The following NMNAT1 variants were observed in gnomAD, a reference collection of about 807,000 sequenced individuals.
NMNAT1 encodes nicotinamide/nicotinic acid mononucleotide adenylyltransferase 1.
A neutral mutation model predicts 16.7 loss-of-function variants in NMNAT1; 11 were observed. The ratio of observed to expected loss-of-function variants is 0.66; its 90% CI spans 0.41 to 1.09. NMNAT1 has a LOEUF of 1.09. NMNAT1 is among the 50% of genes least tolerant of loss of function. NMNAT1 has a pLI of 0.00. For missense variants in NMNAT1, 280 were observed against 332.3 expected (o/e 0.84, Z 1.22); for synonymous variants, 110 against 119.8 (o/e 0.92, Z 0.53).
At chr1:9,956,817 C>T (rs1329072551) in intron 1 of NMNAT1, among the ~76,000 whole-genome samples, 2 of 150,690 alleles carry the variant, frequency 1.3e-5, no homozygotes, top group Non-Finnish European at 3.0e-5. Context: ...CTGCAACCTC[C>T]ACCTCCGAGG....
chr1:9,954,865 A>G (rs1249996209), intron 1 of NMNAT1, among the ~76,000 whole-genome samples: 2 of 150,718 alleles, frequency 1.3e-5, no homozygotes, highest in Non-Finnish European at 3.0e-5. Context: ...CAGGAGGCGG[A>G]GGTTGCAGTG....
At chr1:9,968,930 ACT>A (rs1332768393) in intron 1 of NMNAT1, among the ~76,000 whole-genome samples, 2 of 141,712 alleles carry the variant, frequency 1.4e-5, no homozygotes, top group Non-Finnish European at 3.0e-5. Flanking sequence ...ACAGAGCGAG[ACT>A]CTGTCTCAAA....
At chr1:9,943,812 A>G (rs927368535) in intron 1 of NMNAT1, among the ~76,000 whole-genome samples, 2 of 152,200 alleles carry the variant, frequency 1.3e-5, no homozygotes, top group African/African-American at 4.8e-5. Context: ...GCTGGGCGTC[A>G]GAGGAGGAAA....
chr1:9,987,562 C>T (rs1377004744), downstream of NMNAT1, among the ~76,000 whole-genome samples: 1 of 152,050 alleles, frequency 6.6e-6, no homozygotes, highest in Non-Finnish European at 1.5e-5. Flanking sequence ...ATGGCGTGAA[C>T]CCAGGAGGCA....
chr1:9,978,216 C>T (rs1468114920), intron 3 of NMNAT1, among the ~76,000 whole-genome samples: 1 of 152,058 alleles, frequency 6.6e-6, no homozygotes, highest in Admixed American at 6.6e-5. Flanking sequence ...ATTAGCCAGG[C>T]GTGGTGGCAC....
chr1:9,970,397 T>A (rs1014467963), intron 1 of NMNAT1, among the ~76,000 whole-genome samples: 11 of 152,022 alleles, frequency 7.2e-5, no homozygotes, highest in African/African-American at 2.7e-4. Flanking sequence ...ATGAATTAGT[T>A]GAATAAGAAA....
chr1:9,969,518 G>T (rs1042596933), intron 1 of NMNAT1, among the ~76,000 whole-genome samples: 2 of 152,146 alleles, frequency 1.3e-5, no homozygotes, highest in Non-Finnish European at 2.9e-5. Flanking sequence ...ATGGGCGGCT[G>T]AGGTGGGTGG....
At chr1:9,989,072 C>T (rs537392936), downstream of NMNAT1, among the ~76,000 whole-genome samples, 2 of 152,260 alleles carry the variant, frequency 1.3e-5, no homozygotes, top group South Asian at 4.1e-4. Flanking sequence ...AAGCCTGATA[C>T]TATGGCCCAA....
At chr1:9,988,498 C>T (rs898671559), downstream of NMNAT1, among the ~76,000 whole-genome samples, 2 of 151,698 alleles carry the variant, frequency 1.3e-5, no homozygotes, top group Non-Finnish European at 2.9e-5. Context: ...GTCAGGAGTT[C>T]GACACCAGCC....
chr1:9,979,320 G>A (rs2101709431), intron 3 of NMNAT1, among the ~76,000 whole-genome samples: 1 of 152,160 alleles, frequency 6.6e-6, no homozygotes, highest in Non-Finnish European at 1.5e-5. Flanking sequence ...ACTAAAGTTA[G>A]CTGAACATGG....
At chr1:9,968,080 G>GTTTTTTTTGTTT (rs1553126649) in intron 1 of NMNAT1, among the ~76,000 whole-genome samples, 1 of 117,774 alleles carries the variant, frequency 8.5e-6, no homozygotes, top group African/African-American at 2.9e-5. Flanking sequence ...TTTTTTTTTT[G>GTTTTTTTTGTTT]TTTTTTTTTG....
At chr1:9,965,373 T>G (rs1421891599) in intron 1 of NMNAT1, among the ~76,000 whole-genome samples, 1 of 151,436 alleles carries the variant, frequency 6.6e-6, no homozygotes, top group Non-Finnish European at 1.5e-5. Context: ...TCTTTGGATA[T>G]ATAAGAATAT....
chr1:9,994,164 G>A, the NMNAT1 span, among the ~76,000 whole-genome samples: 10 of 136,284 alleles, frequency 7.3e-5, no homozygotes, highest in African/African-American at 2.7e-4. Context: ...AGGCTGGAGT[G>A]CAATGGTACA....
At chr1:9,961,816 G>C (rs2101667598) in intron 1 of NMNAT1, among the ~76,000 whole-genome samples, 1 of 152,140 alleles carries the variant, frequency 6.6e-6, no homozygotes, top group East Asian at 1.9e-4. Context: ...TTGTTGCCCA[G>C]GTTGGAGTGC....
chr1:9,978,831 A>G (rs182718915), intron 3 of NMNAT1, among the ~76,000 whole-genome samples: 1 of 152,324 alleles, frequency 6.6e-6, no homozygotes, highest in African/African-American at 2.4e-5. Flanking sequence ...CTGCCAGCCC[A>G]GAATAGAGCT....
intron 1 of NMNAT1, among the ~76,000 whole-genome samples, chr1:9,951,529 C>T (rs990183682): frequency 6.6e-5 from 10 of 152,028 alleles, no homozygotes; most frequent in Non-Finnish European, 1.2e-4. Flanking sequence ...GGCCAAAGTG[C>T]AGTGGTGTGA....
In NMNAT1 at chr1:9,982,323, G is replaced by C; in HGVS notation, c.462G>C (p.Leu154=). The change falls in exon 5 of 5, where the codon CTG becomes CTC. Residue 154 remains leucine, a synonymous_variant. Transcript: ENST00000377205. ...CAGCTGTGCCAAAGGTCAAGCTGCT[G>C]TGTGGGGCAGATTTATTGGAGTCCT... ...KTKAVPKVKL[L]CGADLLESFA... is the part of the protein sequence containing the mutation. 6.2e-7 allele frequency: 1 copy of C among 1,613,718 alleles called. No individual in the cohort carries two copies. Among genetic ancestry groups the C allele is most frequent in the Non-Finnish European group, 8.5e-7 (1 of 1,179,716 alleles).
In NMNAT1 at chr1:9,979,458, G is replaced by A. The variant is rs192698403; in HGVS notation, c.300-1573G>A. 6.1e-4 allele frequency among the ~76,000 whole-genome samples: 92 copies of A among 151,954 alleles called. No homozygotes were observed. The East Asian group carries it at 0.011, about 18-fold the overall frequency. On this transcript the variant is annotated intron_variant, in intron 3 of 4. Transcript: ENST00000377205. ...CCATCCTGGGCAATAGAGTGAGCCT[G>A]TGTCTCTGAAAAACAAACCAAAAAA...
At chr1:9,971,098 A>C (rs1456748028) in intron 1 of NMNAT1, among the ~76,000 whole-genome samples, 1 of 152,154 alleles carries the variant, frequency 6.6e-6, no homozygotes, top group Non-Finnish European at 1.5e-5. Flanking sequence ...TGTTCCCCAC[A>C]TGTGGGGTGG....
Sources: gnomAD v4.1 joint callset for allele counts (sites outside exome capture counted in the v4.1 genomes callset) on GRCh38, gnomAD v4.1.1 for gene constraint, MANE v1.5 for transcripts, NCBI Gene and HGNC (gene_info 2026-07-23, HGNC 2026-07-21) for gene names.